Variants in RANBP17 observed in about 807,000 individuals in gnomAD.
The protein encoded by RANBP17 is ran-binding protein 17.
RANBP17 carries 158 observed loss-of-function variants against 141.2 expected under a neutral mutation model. That is an observed-to-expected ratio of 1.12 (90% CI 0.98 to 1.28). RANBP17 has a LOEUF of 1.28. Ranked by LOEUF, RANBP17 falls within the 50% of genes most tolerant of loss-of-function variation. RANBP17 has a pLI of 0.00. For synonymous variants in RANBP17, 430 were observed against 450.0 expected (o/e 0.96, Z 0.56); for missense variants, 1,438 against 1,290.7 (o/e 1.11, Z -1.75).
At chr5:170,987,826 T>G (rs527444107) in intron 14 of RANBP17, among the ~76,000 whole-genome samples, 2 of 151,740 alleles carry the variant, frequency 1.3e-5, no homozygotes, top group South Asian at 2.1e-4. Flanking sequence ...GTTAAAATCT[T>G]TGCAGCCACT....
At chr5:171,061,762 G>T (rs944887057) in intron 14 of RANBP17, among the ~76,000 whole-genome samples, 4 of 152,128 alleles carry the variant, frequency 2.6e-5, no homozygotes, top group African/African-American at 7.2e-5. Flanking sequence ...TGACAGTGGG[G>T]TGTTAAAATC....
intron 14 of RANBP17, among the ~76,000 whole-genome samples, chr5:170,977,871 G>C (rs865982480): frequency 2.6e-5 from 4 of 152,128 alleles, no homozygotes; most frequent in Middle Eastern, 6.8e-3. Context: ...TGGACAAAAG[G>C]TATGAAATAC....
Position 171,210,049 on chromosome 5 carries a change from C to T in RANBP17, c.2232-3582C>T, listed in dbSNP as rs375657399. The stretch of plus-strand genomic sequence containing the variant: ...TTTGGTATCCTGTAAGGCAGTGTCA[C>T]ATCATTAATGCCTTTGATTTTTAAT... On this transcript the variant is annotated intron_variant, in intron 20 of 27. Coordinates refer to ENST00000523189, the MANE Select transcript of RANBP17 (RefSeq NM_022897.5). Among the ~76,000 whole-genome samples the T allele has an allele frequency of 1.3e-3, 194 of 152,314 alleles. 9 individuals carry two copies. The South Asian group carries it at 0.039, about 30-fold the overall frequency.
At chr5:170,968,455 TG>T (rs1188191391) in intron 14 of RANBP17, 78 bp downstream of exon 14, 2 of 1,354,404 alleles carry the variant, frequency 1.5e-6, no homozygotes, top group African/African-American at 1.4e-5. Context: ...ATGATATATT[TG>T]GGAAATTTCT....
intron 14 of RANBP17, among the ~76,000 whole-genome samples, chr5:171,056,514 G>T (rs1441892068): frequency 1.3e-5 from 2 of 152,044 alleles, no homozygotes; most frequent in African/African-American, 2.4e-5. Context: ...AATTACAGGA[G>T]TTTCCCGTAA....
chr5:171,261,263 T>C (rs1163920746), intron 24 of RANBP17, among the ~76,000 whole-genome samples: 1 of 152,156 alleles, frequency 6.6e-6, no homozygotes, highest in Non-Finnish European at 1.5e-5. Flanking sequence ...ACAAAGCAGG[T>C]AATATTAATC....
chr5:170,972,380 C>T (rs1351236394), intron 14 of RANBP17, among the ~76,000 whole-genome samples: 1 of 152,004 alleles, frequency 6.6e-6, no homozygotes, highest in East Asian at 1.9e-4. Flanking sequence ...GACGAGGTTT[C>T]ACCATGTTGG....
intron 12 of RANBP17, among the ~76,000 whole-genome samples, chr5:170,952,500 G>A (rs1043373186): frequency 1.3e-5 from 2 of 152,012 alleles, no homozygotes; most frequent in Non-Finnish European, 2.9e-5. Flanking sequence ...AATTATAAAA[G>A]AGTTGTTGAT....
At chr5:171,076,250 T>C (rs1025893968) in intron 14 of RANBP17, among the ~76,000 whole-genome samples, 5 of 152,230 alleles carry the variant, frequency 3.3e-5, no homozygotes, top group African/African-American at 1.2e-4. Flanking sequence ...ATTTGTGTTT[T>C]GTGATAAGAT....
intron 14 of RANBP17, among the ~76,000 whole-genome samples, chr5:171,024,025 A>C (rs992045641): frequency 1.3e-5 from 2 of 152,222 alleles, no homozygotes; most frequent in African/African-American, 4.8e-5. Context: ...GAAAGTTAAA[A>C]AATAAATATT....
intron 18 of RANBP17, among the ~76,000 whole-genome samples, chr5:171,194,069 T>C (rs1309563898): frequency 1.3e-5 from 2 of 152,164 alleles, no homozygotes; most frequent in Non-Finnish European, 2.9e-5. Flanking sequence ...TTGCTTCTCC[T>C]TGCCCACTTC....
At chr5:171,109,804 G>A (rs1755091723) in intron 14 of RANBP17, among the ~76,000 whole-genome samples, 1 of 152,188 alleles carries the variant, frequency 6.6e-6, no homozygotes, top group Non-Finnish European at 1.5e-5. Context: ...ACTGTATAGT[G>A]AGAAATTGAG....
chr5:170,913,819 G>GT (rs936715199), intron 7 of RANBP17, among the ~76,000 whole-genome samples: 32 of 148,460 alleles, frequency 2.2e-4, no homozygotes, highest in Admixed American at 5.4e-4. Flanking sequence ...ATAGGGTACA[G>GT]TTTTTTTTTT....
intron 2 of RANBP17, among the ~76,000 whole-genome samples, chr5:170,881,103 T>TA (rs10624935): frequency 7.3e-5 from 11 of 149,722 alleles, no homozygotes; most frequent in Non-Finnish European, 4.5e-5. Context: ...AAAATATTGT[T>TA]TTGATTTTTT....
chr5:171,139,983 G>T (rs1757582929), intron 14 of RANBP17, among the ~76,000 whole-genome samples: 1 of 152,160 alleles, frequency 6.6e-6, no homozygotes, highest in Admixed American at 6.5e-5. Flanking sequence ...ACCCTCAGCA[G>T]CATAAACTCT....
chr5:171,047,347 T>A (rs947534843), intron 14 of RANBP17, among the ~76,000 whole-genome samples: 2 of 151,946 alleles, frequency 1.3e-5, no homozygotes, highest in Non-Finnish European at 2.9e-5. Context: ...TGGGTAATGA[T>A]GTTGAACGGT....
At chr5:170,908,067 G>A (rs558246722) in intron 5 of RANBP17, among the ~76,000 whole-genome samples, 23 of 152,054 alleles carry the variant, frequency 1.5e-4, no homozygotes, top group African/African-American at 4.6e-4. Context: ...TCTTATATAC[G>A]TTGGTGGGAA....
At chr5:171,137,622 G>A (rs989399306) in intron 14 of RANBP17, among the ~76,000 whole-genome samples, 18 of 148,604 alleles carry the variant, frequency 1.2e-4, no homozygotes, top group African/African-American at 4.6e-4. Context: ...GTGTGTGTGT[G>A]TGTCTGTGTG....
intron 21 of RANBP17, among the ~76,000 whole-genome samples, chr5:171,219,314 G>A (rs1763414136): frequency 6.6e-6 from 1 of 152,108 alleles, no homozygotes; most frequent in African/African-American, 2.4e-5. Context: ...CTCTCTGGCT[G>A]CCCTTAACAT....
Sources: gnomAD v4.1 joint callset for allele counts (sites outside exome capture counted in the v4.1 genomes callset) on GRCh38, gnomAD v4.1.1 for gene constraint, MANE v1.5 for transcripts, NCBI Gene and HGNC (gene_info 2026-07-23, HGNC 2026-07-21) for gene names.